Variants in DNAJC6 observed in about 807,000 individuals in gnomAD.
The protein encoded by DNAJC6 is auxilin.
DNAJC6 carries 34 observed loss-of-function variants against 110.0 expected under a neutral mutation model. That is an observed-to-expected ratio of 0.31 (90% CI 0.24 to 0.41). The LOEUF (loss-of-function observed/expected upper bound fraction) is 0.41. Ranked by LOEUF, DNAJC6 falls within the 10% of genes least tolerant of loss-of-function variation. The probability of loss-of-function intolerance (pLI) is 1.00; values close to 1 mark genes in which losing one functional copy is unlikely to be tolerated. For synonymous variants in DNAJC6, 406 were observed against 437.2 expected, an observed-to-expected ratio of 0.93 and a Z score of 0.89; for missense variants, 1,031 against 1,207.8, an observed-to-expected ratio of 0.85 and a Z score of 2.17.
chr1:65,274,964 T>C (rs1653620485), intron 1 of DNAJC6, among the ~76,000 whole-genome samples: 2 of 152,196 alleles, frequency 1.3e-5, no homozygotes, highest in Admixed American at 1.3e-4. Flanking sequence ...TTCTTATATT[T>C]AATCATGTTT....
At position 65,309,583 on chromosome 1, in the gene DNAJC6, G is replaced by T; in HGVS notation, c.-163G>T. On this transcript the variant is annotated 5_prime_UTR_variant, in exon 1 of 19. Transcript: ENST00000371069. Reference sequence around the variant, plus strand: ...CAGGGCGGCGGCTTCGCCTCGCCCGGCGAAGCTTCTCTCCGGTGGCCGCTC... The same window carrying T: ...CAGGGCGGCGGCTTCGCCTCGCCCGTCGAAGCTTCTCTCCGGTGGCCGCTC... 7.8e-7 allele frequency: 1 copy of T among 1,282,420 alleles called. No homozygotes were observed. The allele number at this position is 1,282,420 out of a possible 1,614,324, so 79.4% of individuals were successfully genotyped here.
chr1:65,283,260 A>C (rs1653909840), intron 1 of DNAJC6, among the ~76,000 whole-genome samples: 2 of 152,160 alleles, frequency 1.3e-5, no homozygotes, highest in African/African-American at 4.8e-5. Context: ...AAGATGCTCA[A>C]ATATCACCAC....
At chr1:65,392,338 C>T (rs1645935639) in intron 11 of DNAJC6, 93 bp from the exon 12 acceptor site, 1 of 1,226,238 alleles carries the variant, frequency 8.2e-7, no homozygotes, top group African/African-American at 1.5e-5. Flanking sequence ...CTGAATCCTT[C>T]TGTCTTTCTG....
chr1:65,366,332 A>G, intron 4 of DNAJC6, 136 bp downstream of exon 4: 1 of 917,480 alleles, frequency 1.1e-6, no homozygotes, highest in Admixed American at 2.6e-5. Flanking sequence ...CTGTTCACAA[A>G]ATATTTATTA....
rs191881203 is a variant in DNAJC6 at position 65,331,779 on chromosome 1, G to A, written c.193+21841G>A. ...GAGCTCAGGTCAGACAAAATATTGG[G>A]TGACCAAATTGGCAAAGACCATTGT... On this transcript the variant is annotated intron_variant, in intron 1 of 18. Transcript: ENST00000371069. Among the ~76,000 whole-genome samples, 166 of 152,320 alleles carry A rather than the reference G, an allele frequency of 1.1e-3. 2 individuals carry two copies. Among genetic ancestry groups the A allele is most frequent in the African/African-American group, 3.8e-3 (158 of 41,578 alleles).
intron 1 of DNAJC6, among the ~76,000 whole-genome samples, chr1:65,294,795 T>A (rs978497911): frequency 1.3e-5 from 2 of 152,222 alleles, no homozygotes; most frequent in Admixed American, 1.3e-4. Context: ...ATTACACATA[T>A]GGCTCACATT....
intron 5 of DNAJC6, among the ~76,000 whole-genome samples, chr1:65,380,916 GTTTTGT>G (rs1645813666): frequency 5.3e-5 from 5 of 93,530 alleles, no homozygotes; most frequent in South Asian, 7.0e-4. Context: ...TTTTTGTTTT[GTTTTGT>G]TTTTTTTTTT....
intron 1 of DNAJC6, among the ~76,000 whole-genome samples, chr1:65,364,146 A>G (rs867590508): frequency 6.6e-6 from 1 of 152,180 alleles, no homozygotes; most frequent in African/African-American, 2.4e-5. Flanking sequence ...AAAAATTTTC[A>G]GTATCCACAC....
chr1:65,281,887 C>T (rs780616145), intron 1 of DNAJC6, among the ~76,000 whole-genome samples: 10 of 152,214 alleles, frequency 6.6e-5, no homozygotes, highest in Non-Finnish European at 1.0e-4. Context: ...GGACCACGGG[C>T]GTTAGCCACC....
At chr1:65,412,254 C>T (rs1275404713) in intron 18 of DNAJC6, among the ~76,000 whole-genome samples, 1 of 152,148 alleles carries the variant, frequency 6.6e-6, no homozygotes, top group Non-Finnish European at 1.5e-5. Flanking sequence ...TTGTCAGAAA[C>T]TTCAAGTAAC....
chr1:65,286,343 C>T (rs979272609), intron 1 of DNAJC6, among the ~76,000 whole-genome samples: 1 of 151,882 alleles, frequency 6.6e-6, no homozygotes, highest in Non-Finnish European at 1.5e-5. Flanking sequence ...ACCACTGTGG[C>T]ACAATCCATC....
At chr1:65,406,238 A>G (rs1646075329) in intron 16 of DNAJC6, 105 bp downstream of exon 16, 1 of 1,437,560 alleles carries the variant, frequency 7.0e-7, no homozygotes, top group African/African-American at 1.4e-5. Flanking sequence ...GGTAGTTTCA[A>G]TTCAGTAGTT....
chr1:65,379,358 G>A (rs765297694), intron 4 of DNAJC6, 44 bp from the exon 5 acceptor site: 1 of 1,610,682 alleles, frequency 6.2e-7, no homozygotes, highest in Admixed American at 1.7e-5. Flanking sequence ...TTATGAAGAG[G>A]AAGTTGCTGG....
At chr1:65,362,008 T>A (rs923773502) in intron 1 of DNAJC6, among the ~76,000 whole-genome samples, 5 of 152,212 alleles carry the variant, frequency 3.3e-5, no homozygotes, top group African/African-American at 1.2e-4. Context: ...AAACCATTTA[T>A]GTACAGCTTG....
intron 1 of DNAJC6, among the ~76,000 whole-genome samples, chr1:65,266,386 T>C (rs1294188290): frequency 6.6e-6 from 1 of 152,264 alleles, no homozygotes. Flanking sequence ...AATTGAGGCT[T>C]TCAAAAGGGC....
At chr1:65,408,921 T>C in intron 17 of DNAJC6, 138 bp downstream of exon 17, 1 of 1,049,544 alleles carries the variant, frequency 9.5e-7, no homozygotes, top group South Asian at 2.7e-5. Flanking sequence ...TACCATAAAC[T>C]AGGTGGCTTA....
intron 1 of DNAJC6, among the ~76,000 whole-genome samples, chr1:65,293,299 G>A (rs1166755860): frequency 6.6e-6 from 1 of 152,202 alleles, no homozygotes; most frequent in Non-Finnish European, 1.5e-5. Context: ...GATGGGGTGT[G>A]TGTGAGAGAG....
intron 1 of DNAJC6, among the ~76,000 whole-genome samples, chr1:65,284,106 T>C (rs1450830691): frequency 2.0e-5 from 3 of 152,172 alleles, no homozygotes; most frequent in African/African-American, 7.2e-5. Context: ...CTGGAGAAAG[T>C]CACAAAAGTG....
chr1:65,287,567 C>T (rs1288094509), intron 1 of DNAJC6, among the ~76,000 whole-genome samples: 1 of 152,268 alleles, frequency 6.6e-6, no homozygotes, highest in East Asian at 1.9e-4. Context: ...ATCACTCCCC[C>T]ATTTACCTAC....
Sources: allele counts gnomAD v4.1 joint callset (sites outside exome capture counted in the v4.1 genomes callset), GRCh38; gene constraint gnomAD v4.1.1; transcripts MANE v1.5; gene names NCBI Gene and HGNC (gene_info 2026-07-23, HGNC 2026-07-21).